HRC: variants seen among roughly 807,000 people sequenced by gnomAD.
The protein encoded by HRC is histidine rich calcium binding protein, also known as sarcoplasmic reticulum histidine-rich calcium-binding protein.
A neutral mutation model predicts 61.4 loss-of-function variants in HRC; 41 were observed. That is an observed-to-expected ratio of 0.67 (90% confidence interval 0.52 to 0.87). HRC has a LOEUF of 0.87. HRC is among the 40% of genes least tolerant of loss of function. HRC has a pLI of 0.00. For missense variants in HRC, 839 were observed against 885.8 expected (o/e 0.95, Z 0.67); for synonymous variants, 308 against 326.6 (o/e 0.94, Z 0.62).
At position 49,152,107 on chromosome 19, in the gene HRC, G is replaced by T. The variant is rs377727526; in HGVS notation, c.1972-49C>A. Reference sequence around the variant, plus strand: ...GAGTGAGCGTGGGGCGTGGCCGGGGGCGGAGTTAGGATGGGGCCGGGACCA... The same window carrying T: ...GAGTGAGCGTGGGGCGTGGCCGGGGTCGGAGTTAGGATGGGGCCGGGACCA... On this transcript the variant is annotated intron_variant, in intron 3 of 5. Transcript: ENST00000252825. 2.3e-4 allele frequency: 361 copies of T among 1,553,598 alleles called. 1 individual carries two copies. The highest frequency in any genetic ancestry group is 3.0e-4 in the Non-Finnish European group (334 of 1,125,910).
chr19:49,151,983 C>T, intron 4 of HRC, 21 bp downstream of exon 4: 1 of 1,613,344 alleles, frequency 6.2e-7, no homozygotes, highest in Non-Finnish European at 8.5e-7. Flanking sequence ...CAGGTTTTTC[C>T]AGGGCCCCGC....
rs548756002 is a variant in HRC at position 49,153,846 on chromosome 19, G to A, written c.1392C>T (p.His464=). Residue 464 remains histidine, a synonymous_variant, in exon 1 of 6, where the codon CAC becomes CAT. Coordinates refer to ENST00000252825, the MANE Select transcript of HRC (RefSeq NM_002152.3). The surrounding 1 kb of genome is among the most constrained non-coding windows in gnomAD (Gnocchi z 4.8). ...QRGSIKEMSH[H]PPGHTVVKDR... ...CCTTGACCACTGTGTGTCCTGGGGG[G>A]TGATGGCTCATCTCTTTGATGGACC... 1.2e-6 allele frequency: 2 copies of A among 1,614,040 alleles called. No individual in the cohort carries two copies. The highest frequency in any genetic ancestry group is 1.7e-6 in the Non-Finnish European group (2 of 1,180,026).
Position 49,151,304 on chromosome 19 carries a change from C to T in HRC, c.2092G>A (p.Glu698Lys), listed in dbSNP as rs150611446. ...GCAGTCGAGCGACTGGGTCAGGGTTCCGGCGTTTCCAGCATGTCTGCCAGG... is the reference window on the plus strand; with the variant it reads ...GCAGTCGAGCGACTGGGTCAGGGTTTCGGCGTTTCCAGCATGTCTGCCAGG... Reference protein sequence around the residue: ...QALADMLETPEP With the variant: ...QALADMLETPKP Residue 698 changes from glutamate to lysine, a missense_variant, in exon 6 of 6, where the codon GAA becomes AAA. Physicochemically the swap from Glu to Lys is moderately conservative, Grantham distance 56 (BLOSUM62 1). Coordinates refer to ENST00000252825, the MANE Select transcript of HRC (RefSeq NM_002152.3). 1 of 1,557,264 alleles carries T rather than the reference C, an allele frequency of 6.4e-7. No individual in the cohort carries two copies. The highest frequency in any genetic ancestry group is 8.7e-7 in the Non-Finnish European group (1 of 1,149,228).
At position 49,153,183 on chromosome 19, in the gene HRC, C is replaced by A; in HGVS notation, c.1902+78G>T. On this transcript the variant is annotated intron_variant, in intron 2 of 5. Transcript: ENST00000252825. This position sits in a 1 kb window ranked among gnomAD's most constrained non-coding sequence, Gnocchi z 4.8. ...CCCTGGCCTGCCCTTGCTCTGAGCC[C>A]TCCCACAGCACCACCCCAGGGCCCC... The A allele has an allele frequency of 9.0e-7, 1 of 1,115,248 alleles. No homozygotes were observed. Among genetic ancestry groups the A allele is most frequent in the Admixed American group, 1.8e-5 (1 of 54,350 alleles). The allele number at this position is 1,115,248 out of a possible 1,614,324, so 69.1% of individuals were successfully genotyped here.
intron 5 of HRC, 26 bp downstream of exon 5, chr19:49,151,491 T>C: frequency 6.2e-7 from 1 of 1,612,916 alleles, no homozygotes; most frequent in Non-Finnish European, 8.5e-7. Context: ...ACGGGGCTTT[T>C]ACACGCTCCC....
intron 3 of HRC, 74 bp downstream of exon 3, chr19:49,152,236 G>A (rs1214705511): frequency 7.0e-7 from 1 of 1,420,310 alleles, no homozygotes; most frequent in Non-Finnish European, 9.9e-7. Flanking sequence ...CCAGGATTTA[G>A]GGCTGGGGGT....
At chr19:49,152,439 C>T (rs1479819297) in intron 2 of HRC, 61 bp from the exon 3 acceptor site, 4 of 1,415,826 alleles carry the variant, frequency 2.8e-6, no homozygotes, top group African/African-American at 2.8e-5. Flanking sequence ...GGTACCCGCC[C>T]CTGGCCCACC....
Position 49,151,637 on chromosome 19 carries a change from T to G in HRC, c.2027-84A>C. On this transcript the variant is annotated intron_variant, in intron 4 of 5. Coordinates refer to ENST00000252825, the MANE Select transcript of HRC (RefSeq NM_002152.3). ...CACTCAGTATAGCGTGCGAGATTAG[T>G]GCTAGCTCCACCTCCTTTTCCCTAA... 3.3e-6 allele frequency: 4 copies of G among 1,197,620 alleles called. No individual in the cohort carries two copies. In the East Asian group the frequency reaches 7.0e-5, roughly 21 times the overall value. 74.2% of individuals were successfully genotyped at this position (1,197,620 alleles called of 1,614,324 possible). A position where few individuals can be genotyped will look rare whatever the true frequency, so the allele number is the denominator to read the frequency against.
Position 49,151,541 on chromosome 19 carries a change from T to A in HRC, c.2039A>T (p.Asp680Val), listed in dbSNP as rs370118870. The A allele has an allele frequency of 4.3e-6, 7 of 1,613,644 alleles. No homozygotes were observed. Among genetic ancestry groups the A allele is most frequent in the Non-Finnish European group, 5.9e-6 (7 of 1,180,034 alleles). Residue 680 changes from aspartate (D) to valine (V), a missense_variant, in exon 5 of 6, where the codon GAC becomes GTC. Transcript: ENST00000252825. Reference sequence around the variant, plus strand: ...CTGATAAAGGGACGAGGAGAAATAGTCAACGTAGCTTCCTGTGGGACAGCA... The same window carrying A: ...CTGATAAAGGGACGAGGAGAAATAGACAACGTAGCTTCCTGTGGGACAGCA... ...ETVCAPGSYVDYFSSSLYQAL... is the reference protein window; with the variant it reads ...ETVCAPGSYVVYFSSSLYQAL...
rs376704162 is a variant in HRC at position 49,155,266 on chromosome 19, C to G, written c.-29G>C. ...GACGGACAGGCAGCACTGGCTCCAG[C>G]TGCCTCTGCGGCAATGTGGACAAAC... On this transcript the variant is annotated 5_prime_UTR_variant, in exon 1 of 6. Transcript: ENST00000252825. This position sits in a 1 kb window ranked among gnomAD's most constrained non-coding sequence, Gnocchi z 4.7. The G allele has an allele frequency of 2.6e-5, 41 of 1,560,932 alleles. No individual in the cohort carries two copies. The East Asian group carries it at 6.1e-4, about 23-fold the overall frequency.
Position 49,152,060 on chromosome 19 carries a change from T to C in HRC, c.1972-2A>G, listed in dbSNP as rs1427388240. The stretch of plus-strand genomic sequence containing the variant: ...GCAGAGATAGCAGAACTGACAGTGC[T>C]GGAGGCGGGGACGGGGAGAGAGAGT... On this transcript the variant is annotated splice_acceptor_variant, in intron 3 of 5. Transcript: ENST00000252825. LOFTEE classifies it high-confidence loss of function. The C allele has an allele frequency of 3.1e-6, 5 of 1,613,908 alleles. No individual in the cohort carries two copies. The highest frequency in any genetic ancestry group is 4.2e-6 in the Non-Finnish European group (5 of 1,179,946).
Position 49,155,077 on chromosome 19 carries a change from G to T in HRC, c.161C>A (p.Ser54Ter), listed in dbSNP as rs1319796023. Residue 54 changes from serine (S) to a stop codon, truncating the protein, a stop_gained, in exon 1 of 6, where the codon TCA becomes TAA. Coordinates refer to ENST00000252825, the MANE Select transcript of HRC (RefSeq NM_002152.3). LOFTEE classifies it high-confidence loss of function. This position sits in a 1 kb window ranked among gnomAD's most constrained non-coding sequence, Gnocchi z 4.7. ...TGVAGLSEEA[S>*]AELRHHLHSP... ...GTGGAGGTGGTGGCGAAGCTCTGCT[G>T]ATGCCTCCTCGGAGAGCCCGGCGAC... The T allele has an allele frequency of 6.2e-7, 1 of 1,614,198 alleles. No individual in the cohort carries two copies. The highest frequency in any genetic ancestry group is 1.7e-5 in the Admixed American group (1 of 60,032).
rs201933719 is a variant in HRC, at chr19:49,152,087, A to G, written c.1972-29T>C. 3.8e-5 allele frequency: 61 copies of G among 1,606,550 alleles called. No individual in the cohort carries two copies. The African/African-American group carries it at 5.2e-4, about 14-fold the overall frequency. On this transcript the variant is annotated intron_variant, in intron 3 of 5. Transcript: ENST00000252825. ...GAGGCGGGGACGGGGAGAGAGAGTGAGCGTGGGGCGTGGCCGGGGGCGGAG... is the reference window on the plus strand; with the variant it reads ...GAGGCGGGGACGGGGAGAGAGAGTGGGCGTGGGGCGTGGCCGGGGGCGGAG...
At position 49,154,622 on chromosome 19, in the gene HRC, A is replaced by C; in HGVS notation, c.616T>G (p.Ser206Ala). 6.3e-7 allele frequency: 1 copy of C among 1,598,324 alleles called. No homozygotes were observed. The highest frequency in any genetic ancestry group is 8.5e-7 in the Non-Finnish European group (1 of 1,171,048). ...TGGGCCTGGTGTCCATACTCAGTGG[A>C]GGCCTCCTCTTCCTCCTCCTCCTCC... ...EEEEEEEEEASTEYGHQAHRH... is the reference protein window; with the variant it reads ...EEEEEEEEEAATEYGHQAHRH... Residue 206 changes from serine to alanine, a missense_variant, in exon 1 of 6, where the codon TCC becomes GCC. Physicochemically the swap from Ser to Ala is moderately conservative, Grantham distance 99 (BLOSUM62 1). Transcript: ENST00000252825.
chr19:49,155,339 C>G lies in HRC; in HGVS notation c.-102G>C. ...GGTTGGTCTCTTTTTTTCTCTGTGT[C>G]TCTCCTTTGTCCTTTCGGTCTCTGT... On this transcript the variant is annotated 5_prime_UTR_variant, in exon 1 of 6. Coordinates refer to ENST00000252825, the MANE Select transcript of HRC (RefSeq NM_002152.3). This position sits in a 1 kb window ranked among gnomAD's most constrained non-coding sequence, Gnocchi z 4.7. The G allele has an allele frequency of 7.0e-7, 1 of 1,419,808 alleles. No homozygotes were observed. The highest frequency in any genetic ancestry group is 1.4e-5 in the African/African-American group (1 of 69,338). The allele number at this position is 1,419,808 out of a possible 1,614,324, so 88.0% of individuals were successfully genotyped here. A position where few individuals can be genotyped will look rare whatever the true frequency, so the allele number is the denominator to read the frequency against.
chr19:49,154,320 A>G lies in HRC; in HGVS notation c.918T>C (p.Asp306=), dbSNP rs202165014. The G allele has an allele frequency of 1.2e-6, 2 of 1,600,588 alleles. No homozygotes were observed. Among genetic ancestry groups the G allele is most frequent in the Non-Finnish European group, 1.7e-6 (2 of 1,174,924 alleles). ...CATACTCAGTGGAGACATCATCATCATCATTGTCATCTTCTTCATGGCTTC... is the reference window on the plus strand; with the variant it reads ...CATACTCAGTGGAGACATCATCATCGTCATTGTCATCTTCTTCATGGCTTC... ...RHRSHEEDDN[D]DDDVSTEYGH... The change falls in exon 1 of 6, where the codon GAT becomes GAC. Residue 306 remains aspartate, a synonymous_variant. Transcript: ENST00000252825.
At chr19:49,152,242 G>A (rs566301203) in intron 3 of HRC, 68 bp downstream of exon 3, 2 of 1,437,888 alleles carry the variant, frequency 1.4e-6, no homozygotes, top group Non-Finnish European at 2.0e-6. Flanking sequence ...TTTAGGGCTG[G>A]GGGTCCTCAG....
Position 49,153,438 on chromosome 19 carries a change from G to C in HRC, c.1800C>G (p.Ala600=). ...CCTCACCGCTTTCCTCCTCGCTGGA[G>C]GCACCTCCAGCCTCCTCTCTCCTGT... The part of the protein sequence containing the change: ...PLDRREEAGG[A]SSEEESGEDT... Residue 600 remains alanine (A), a synonymous_variant, in exon 1 of 6, where the codon GCC becomes GCG. Coordinates refer to ENST00000252825, the MANE Select transcript of HRC (RefSeq NM_002152.3). This position sits in a 1 kb window ranked among gnomAD's most constrained non-coding sequence, Gnocchi z 4.8. 1 of 1,607,478 alleles carries C rather than the reference G, an allele frequency of 6.2e-7. No individual in the cohort carries two copies.
rs778567712 is a variant in HRC, at chr19:49,153,759, G to A, written c.1479C>T (p.Gly493=). Residue 493 remains glycine (G), a synonymous_variant, in exon 1 of 6, where the codon GGC becomes GGT. Coordinates refer to ENST00000252825, the MANE Select transcript of HRC (RefSeq NM_002152.3). The surrounding 1 kb of genome is among the most constrained non-coding windows in gnomAD (Gnocchi z 4.8). ...EEEKEKEEDP[G]SHEEDDESSE... ...AACTTTCATCGTCTTCCTCATGGGA[G>A]CCGGGGTCCTCTTCCTTCTCCTTTT... 1.9e-6 allele frequency: 3 copies of A among 1,613,974 alleles called. No individual in the cohort carries two copies. Among genetic ancestry groups the A allele is most frequent in the Admixed American group, 3.3e-5 (2 of 60,002 alleles).
Sources: gnomAD v4.1 joint callset for allele counts on GRCh38, gnomAD v4.1.1 for gene constraint, Gnocchi (gnomAD v3.1) non-coding constraint, MANE v1.5 for transcripts, NCBI Gene and HGNC (gene_info 2026-07-23, HGNC 2026-07-21) for gene names.